The following IL2RB variants were observed in gnomAD, a reference collection of about 807,000 sequenced individuals.
IL2RB encodes the protein interleukin-2 receptor subunit beta.
IL2RB carries 17 observed loss-of-function variants against 44.2 expected under a neutral mutation model. The observed-to-expected ratio is 0.38, with a 90% CI of 0.26 to 0.58. The LOEUF (loss-of-function observed/expected upper bound fraction) is 0.58. Among genes scored for constraint, IL2RB ranks in the 20% least tolerant of loss-of-function variants. The probability of loss-of-function intolerance (pLI) is 0.63; values close to 1 mark genes in which losing one functional copy is unlikely to be tolerated. For synonymous variants in IL2RB, 286 were observed against 297.9 expected, an observed-to-expected ratio of 0.96 and a Z score of 0.41; for missense variants, 624 against 685.5, an observed-to-expected ratio of 0.91 and a Z score of 1.00.
intron 4 of IL2RB, 61 bp from the exon 5 acceptor site, chr22:37,139,283 G>T: frequency 8.5e-7 from 1 of 1,179,854 alleles, no homozygotes; most frequent in Non-Finnish European, 1.2e-6. Context: ...GAAGGGGGAG[G>T]CCACCGGGAT....
chr22:37,129,231 C>A (rs772083725), intron 9 of IL2RB, among the ~76,000 whole-genome samples: 1 of 152,228 alleles, frequency 6.6e-6, no homozygotes, highest in Non-Finnish European at 1.5e-5. Flanking sequence ...GGCACTAGCA[C>A]AAGTGTGGGA....
chr22:37,144,315 G>T (rs1056698252), intron 1 of IL2RB, 110 bp from the exon 2 acceptor site: 36 of 1,360,530 alleles, frequency 2.6e-5, no homozygotes, highest in Non-Finnish European at 3.5e-5. Flanking sequence ...TGCACTCCTC[G>T]GTGCCAGCTC....
At chr22:37,142,085 C>T (rs145734916) in intron 4 of IL2RB, among the ~76,000 whole-genome samples, 57 of 152,272 alleles carry the variant, frequency 3.7e-4, no homozygotes, top group African/African-American at 1.2e-3. Flanking sequence ...GCCAAGCCCC[C>T]GGGAAGAGCT....
chr22:37,156,502 T>A (rs1307991986), intron 1 of IL2RB, among the ~76,000 whole-genome samples: 2 of 152,214 alleles, frequency 1.3e-5, no homozygotes, highest in African/African-American at 4.8e-5. Context: ...CTAGGGTCTC[T>A]TCAATATCCT....
Position 37,128,883 on chromosome 22 carries a change from G to T in IL2RB, c.904-35C>A. On this transcript the variant is annotated intron_variant, in intron 9 of 9. Coordinates refer to ENST00000216223, the MANE Select transcript of IL2RB (RefSeq NM_000878.5). The surrounding 1 kb of genome is among the most constrained non-coding windows in gnomAD (Gnocchi z 4.5). Reference sequence around the variant, plus strand: ...GAAAGGCCAGGGGTGGGTGAGTGGGGGCTTCCTTCACCCTCCACCCCTTCC... The same window carrying T: ...GAAAGGCCAGGGGTGGGTGAGTGGGTGCTTCCTTCACCCTCCACCCCTTCC... 1 of 1,563,502 alleles carries T rather than the reference G, an allele frequency of 6.4e-7. No individual in the cohort carries two copies.
In IL2RB at chr22:37,168,453, A is replaced by C. The variant is rs984939525; in HGVS notation, c.-34+6505T>G. The stretch of plus-strand genomic sequence containing the variant: ...GGGCAGTGGGTCATTGTGCAAAGGC[A>C]GTGAGGGCTGGGTCCCCATCCCACC... On this transcript the variant is annotated intron_variant, in intron 1 of 5. Coordinates refer to the IL2RB transcript ENST00000429622. 2.0e-5 allele frequency among the ~76,000 whole-genome samples: 3 copies of C among 152,222 alleles called. No homozygotes were observed. The East Asian group carries it at 5.8e-4, about 29-fold the overall frequency.
chr22:37,171,018 C>T (rs1465373902), intron 1 of IL2RB, among the ~76,000 whole-genome samples: 1 of 152,030 alleles, frequency 6.6e-6, no homozygotes, highest in Non-Finnish European at 1.5e-5. Flanking sequence ...GAGGCTCGCT[C>T]TGTTGCCCAG....
rs1922957681 is a variant in IL2RB, at chr22:37,163,602, C to G, written c.-34+11356G>C. Among the ~76,000 whole-genome samples the G allele has an allele frequency of 1.3e-5, 2 of 152,210 alleles. 1 individual carries two copies. The highest frequency in any genetic ancestry group is 4.1e-4 in the South Asian group (2 of 4,834). The stretch of plus-strand genomic sequence containing the variant: ...TCCAAACTGGGCACCTTGCCTCCCT[C>G]AAGGGAGGAGGGACTCTTCTCAGCC... On this transcript the variant is annotated intron_variant, in intron 1 of 5. Coordinates refer to the IL2RB transcript ENST00000429622.
chr22:37,142,244 G>A (rs3218274), intron 4 of IL2RB, among the ~76,000 whole-genome samples, 190 bp downstream of exon 4: 1,877 of 152,306 alleles, frequency 0.012, 54 homozygotes, highest in African/African-American at 0.043. Flanking sequence ...CCTGGGGCAG[G>A]CCTGAGTCCA....
intron 1 of IL2RB, among the ~76,000 whole-genome samples, chr22:37,148,612 AG>A: frequency 6.6e-6 from 1 of 152,272 alleles, no homozygotes; most frequent in South Asian, 2.1e-4. Flanking sequence ...TGCTGGGGAC[AG>A]GGACTGGTGC....
chr22:37,152,885 C>A (rs552263094), upstream of IL2RB, among the ~76,000 whole-genome samples: 14 of 150,782 alleles, frequency 9.3e-5, no homozygotes, highest in Non-Finnish European at 1.8e-4. Context: ...TCTTCCCTTT[C>A]CTGATTCCCT....
chr22:37,157,785 A>G (rs1288269711), intron 1 of IL2RB, among the ~76,000 whole-genome samples: 1 of 152,216 alleles, frequency 6.6e-6, no homozygotes, highest in Non-Finnish European at 1.5e-5. Flanking sequence ...CAACAGGAAC[A>G]GTGTGGGATT....
chr22:37,149,810 G>GC lies in IL2RB; in HGVS notation c.-34+14dup. ...CTGGTCCACAGGGGCCGGGAGGGAG[G>GC]CAGGGGGACATCACCTGGCTGAGAC... On this transcript the variant is annotated intron_variant, in intron 1 of 9. Coordinates refer to ENST00000216223, the MANE Select transcript of IL2RB (RefSeq NM_000878.5). The GC allele has an allele frequency of 1.0e-6, 1 of 981,304 alleles. No individual in the cohort carries two copies. Among genetic ancestry groups the GC allele is most frequent in the Non-Finnish European group, 1.2e-6 (1 of 826,176 alleles). 60.8% of individuals were successfully genotyped at this position (981,304 alleles called of 1,614,324 possible).
At chr22:37,148,288 G>A (rs1922324084) in intron 1 of IL2RB, among the ~76,000 whole-genome samples, 1 of 152,190 alleles carries the variant, frequency 6.6e-6, no homozygotes, top group East Asian at 1.9e-4. Flanking sequence ...CACTGAGGCT[G>A]CACCCTCATT....
At chr22:37,157,960 G>C (rs948170767) in intron 1 of IL2RB, among the ~76,000 whole-genome samples, 1 of 152,228 alleles carries the variant, frequency 6.6e-6, no homozygotes, top group Non-Finnish European at 1.5e-5. Flanking sequence ...TAGCATATTT[G>C]AAGTTTCAAA....
intron 8 of IL2RB, among the ~76,000 whole-genome samples, chr22:37,134,162 T>TA (rs1328442671): frequency 6.6e-6 from 1 of 152,084 alleles, no homozygotes; most frequent in African/African-American, 2.4e-5. Flanking sequence ...AATACAATAA[T>TA]AAAAAATAAT....
intron 1 of IL2RB, among the ~76,000 whole-genome samples, chr22:37,157,465 C>T (rs1922719573): frequency 1.3e-5 from 2 of 152,342 alleles, no homozygotes; most frequent in South Asian, 2.1e-4. Flanking sequence ...CACACCAGCA[C>T]CAGCGCCCTG....
At position 37,128,913 on chromosome 22, in the gene IL2RB, G is replaced by A; in HGVS notation, c.904-65C>T. ...CCTTCACCCTCCACCCCTTCCTCTG[G>A]ACTCTCAACAGCTCCTAACTCCTCC... On this transcript the variant is annotated intron_variant, in intron 9 of 9. Coordinates refer to ENST00000216223, the MANE Select transcript of IL2RB (RefSeq NM_000878.5). This position sits in a 1 kb window ranked among gnomAD's most constrained non-coding sequence, Gnocchi z 4.5. The A allele has an allele frequency of 6.6e-7, 1 of 1,518,252 alleles. No individual in the cohort carries two copies. Among genetic ancestry groups the A allele is most frequent in the East Asian group, 2.3e-5 (1 of 43,582 alleles). 94.0% of individuals were successfully genotyped at this position (1,518,252 alleles called of 1,614,324 possible). A position where few individuals can be genotyped will look rare whatever the true frequency, so the allele number is the denominator to read the frequency against.
intron 1 of IL2RB, among the ~76,000 whole-genome samples, chr22:37,173,020 C>T (rs1024149476): frequency 6.6e-6 from 1 of 152,158 alleles, no homozygotes; most frequent in African/African-American, 2.4e-5. Context: ...TGGTGTGGCC[C>T]ACTGGACAAG....
Sources: allele counts gnomAD v4.1 joint callset (sites outside exome capture counted in the v4.1 genomes callset), GRCh38; gene constraint gnomAD v4.1.1; non-coding constraint Gnocchi (gnomAD v3.1); transcripts MANE v1.5; gene names NCBI Gene and HGNC (gene_info 2026-07-23, HGNC 2026-07-21).